The following PKIB variants were observed in gnomAD, a reference collection of about 807,000 sequenced individuals.
The protein encoded by PKIB is cAMP-dependent protein kinase inhibitor beta.
PKIB carries 2 observed loss-of-function variants against 4.5 expected under a neutral mutation model. The ratio of observed to expected loss-of-function variants is 0.44; its 90% CI spans 0.18 to 1.39. The LOEUF is 1.39. PKIB is among the 40% of genes most tolerant of loss of function. The pLI, the probability that PKIB is intolerant of heterozygous loss-of-function variation, is 0.27. For missense variants in PKIB, 94 were observed against 92.6 expected (o/e 1.02, Z -0.06); for synonymous variants, 38 against 36.0 (o/e 1.06, Z -0.20).
chr6:122,678,689 A>T (rs897884679), intron 3 of PKIB, among the ~76,000 whole-genome samples: 3 of 152,190 alleles, frequency 2.0e-5, no homozygotes, highest in Admixed American at 2.0e-4. Flanking sequence ...TCACAACATC[A>T]TGAGAAATGA....
chr6:122,661,339 T>A (rs1304221507), intron 2 of PKIB, among the ~76,000 whole-genome samples: 1 of 152,206 alleles, frequency 6.6e-6, no homozygotes, highest in Non-Finnish European at 1.5e-5. Context: ...AAACATTAGT[T>A]GTGACTCCCT....
intron 1 of PKIB, among the ~76,000 whole-genome samples, chr6:122,621,327 C>A (rs1775218628): frequency 6.6e-6 from 1 of 152,080 alleles, no homozygotes; most frequent in Admixed American, 6.6e-5. Flanking sequence ...AGTATAAATA[C>A]CTCCTTGATG....
At chr6:122,564,829 G>C (rs1048909554) in intron 2 of PKIB, among the ~76,000 whole-genome samples, 5 of 152,140 alleles carry the variant, frequency 3.3e-5, no homozygotes, top group African/African-American at 1.2e-4. Context: ...GGTGGTGTAG[G>C]AAACGCTTAG....
rs1415056448 is a variant in PKIB at position 122,600,026 on chromosome 6, T to TCTATAG, written c.-161+14025_-161+14030dup. On this transcript the variant is annotated intron_variant, in intron 3 of 6. Coordinates refer to the PKIB transcript ENST00000392491. The stretch of plus-strand genomic sequence containing the variant: ...ATCTATATCTATATCTATATCTATA[T>TCTATAG]CTATAGCTATATCTATCTATACAAA... Among the ~76,000 whole-genome samples, 1,049 of 147,636 alleles carry TCTATAG rather than the reference T, an allele frequency of 7.1e-3. 27 individuals are homozygous for TCTATAG. Among genetic ancestry groups the TCTATAG allele is most frequent in the East Asian group, 0.053 (263 of 5,004 alleles).
In PKIB at chr6:122,725,495, T is replaced by C. The variant is rs974673329; in HGVS notation, c.*300T>C. On this transcript the variant is annotated 3_prime_UTR_variant, in exon 5 of 5. Transcript: ENST00000368452. ...CCCAACAAAATTCACTGTTCTCTTT[T>C]GGATTTATTTAGCCTGATGTATTTT... is the stretch of plus-strand genomic sequence containing the variant. 1 of 255,810 alleles carries C rather than the reference T, an allele frequency of 3.9e-6. No homozygotes were observed. The highest frequency in any genetic ancestry group is 5.2e-5 in the Admixed American group (1 of 19,314). The allele number at this position is 255,810 out of a possible 1,614,324, so 15.8% of individuals were successfully genotyped here. A position where few individuals can be genotyped will look rare whatever the true frequency, so the allele number is the denominator to read the frequency against.
chr6:122,577,412 C>T (rs1329966067), intron 2 of PKIB, among the ~76,000 whole-genome samples: 1 of 151,956 alleles, frequency 6.6e-6, no homozygotes, highest in African/African-American at 2.4e-5. Flanking sequence ...TATAGTAATT[C>T]ATTACACTGC....
Position 122,577,540 on chromosome 6 carries a change from C to T in PKIB, c.-247-8381C>T, listed in dbSNP as rs145920429. On this transcript the variant is annotated intron_variant, in intron 2 of 6. Transcript: ENST00000392491. ...AAACTACCCATTTCTTCTCAATATC[C>T]ATGAAAAAAAGAAATACAGATACCA... 3.2e-3 allele frequency among the ~76,000 whole-genome samples: 486 copies of T among 151,994 alleles called. 4 individuals carry two copies. The highest frequency in any genetic ancestry group is 0.011 in the African/African-American group (468 of 41,466).
chr6:122,539,051 A>G (rs1240032286), intron 2 of PKIB, among the ~76,000 whole-genome samples: 3 of 152,090 alleles, frequency 2.0e-5, no homozygotes, highest in Admixed American at 6.6e-5. Context: ...GACTTTGCTG[A>G]AGTTGCTTAT....
At chr6:122,586,675 T>G (rs1773857304) in intron 3 of PKIB, among the ~76,000 whole-genome samples, 2 of 152,148 alleles carry the variant, frequency 1.3e-5, no homozygotes. Flanking sequence ...GACCCCTTCT[T>G]TATTTCGCAT....
intron 3 of PKIB, among the ~76,000 whole-genome samples, chr6:122,587,118 T>G (rs940968536): frequency 2.0e-5 from 3 of 152,146 alleles, no homozygotes; most frequent in Non-Finnish European, 4.4e-5. Flanking sequence ...ATTGGTGTGC[T>G]GCACCCATGA....
chr6:122,569,596 G>A (rs1056833616), intron 2 of PKIB, among the ~76,000 whole-genome samples: 4 of 152,166 alleles, frequency 2.6e-5, no homozygotes, highest in Non-Finnish European at 5.9e-5. Flanking sequence ...TACCACCTTC[G>A]TCAGAAATGG....
intron 2 of PKIB, among the ~76,000 whole-genome samples, chr6:122,501,581 G>C (rs1776238023): frequency 6.6e-6 from 1 of 152,210 alleles, no homozygotes; most frequent in South Asian, 2.1e-4. Flanking sequence ...TTTAGCGATG[G>C]CTGGAGCTGG....
At chr6:122,596,960 A>G (rs1582723920) in intron 3 of PKIB, among the ~76,000 whole-genome samples, 1 of 152,194 alleles carries the variant, frequency 6.6e-6, no homozygotes, top group African/African-American at 2.4e-5. Context: ...TCAAAATCCA[A>G]ATAGACCCAC....
chr6:122,584,280 T>G (rs1318159975), intron 2 of PKIB, among the ~76,000 whole-genome samples: 1 of 152,142 alleles, frequency 6.6e-6, no homozygotes, highest in East Asian at 1.9e-4. Context: ...GATTATTTTT[T>G]TCTTATCTCA....
At chr6:122,696,071 T>G (rs1019912514) in intron 3 of PKIB, among the ~76,000 whole-genome samples, 4 of 152,204 alleles carry the variant, frequency 2.6e-5, no homozygotes, top group Non-Finnish European at 5.9e-5. Flanking sequence ...ATAAAGGTGG[T>G]TCACTGAGGG....
At chr6:122,526,934 A>C (rs1231976169) in intron 2 of PKIB, among the ~76,000 whole-genome samples, 1 of 152,178 alleles carries the variant, frequency 6.6e-6, no homozygotes, top group Non-Finnish European at 1.5e-5. Flanking sequence ...TCTACATTAA[A>C]AATCTGTTGC....
upstream of PKIB, chr6:122,610,152 G>A (rs939148023): frequency 2.6e-5 from 4 of 152,220 alleles, no homozygotes; most frequent in African/African-American, 7.2e-5. Context: ...GGGAGGACGC[G>A]GGTTGTGTGA....
At chr6:122,532,994 A>C (rs1777301898) in intron 2 of PKIB, among the ~76,000 whole-genome samples, 1 of 152,088 alleles carries the variant, frequency 6.6e-6, no homozygotes, top group Admixed American at 6.6e-5. Context: ...CTTTGGGGAA[A>C]TATCTATTCA....
At chr6:122,713,046 A>G (rs986475746) in intron 3 of PKIB, among the ~76,000 whole-genome samples, 5 of 152,094 alleles carry the variant, frequency 3.3e-5, no homozygotes, top group Admixed American at 1.3e-4. Context: ...TGCATTCTCA[A>G]TATTTCAGAG....
Sources: gnomAD v4.1 joint callset for allele counts (sites outside exome capture counted in the v4.1 genomes callset) on GRCh38, gnomAD v4.1.1 for gene constraint, MANE v1.5 for transcripts, NCBI Gene and HGNC (gene_info 2026-07-23, HGNC 2026-07-21) for gene names.